The following MYO3B variants were observed in gnomAD, a reference collection of about 807,000 sequenced individuals.
MYO3B encodes myosin-IIIb.
A neutral mutation model predicts 174.6 loss-of-function variants in MYO3B; 156 were observed. That is an observed-to-expected ratio of 0.89 (90% CI 0.78 to 1.02). MYO3B has a LOEUF of 1.02. Among genes scored for constraint, MYO3B ranks in the 50% least tolerant of loss-of-function variants. MYO3B has a pLI of 0.00. For missense variants in MYO3B, 1,632 were observed against 1,639.4 expected, an observed-to-expected ratio of 1.00 and a Z score of 0.08; for synonymous variants, 563 against 569.1, an observed-to-expected ratio of 0.99 and a Z score of 0.15.
intron 7 of MYO3B, among the ~76,000 whole-genome samples, chr2:170,303,043 T>G (rs2093676350): frequency 6.6e-6 from 1 of 152,190 alleles, no homozygotes; most frequent in Admixed American, 6.5e-5. Context: ...TATATAATGT[T>G]TAGGATTTTT....
chr2:170,569,518 GT>G (rs60318428), intron 32 of MYO3B, among the ~76,000 whole-genome samples: 7,792 of 136,548 alleles, frequency 0.057, 260 homozygotes, highest in African/African-American at 0.097. Context: ...ACTGGGCTGA[GT>G]TTTTTTTTTT....
At chr2:170,543,463 C>G (rs1690254642) in intron 31 of MYO3B, among the ~76,000 whole-genome samples, 1 of 152,102 alleles carries the variant, frequency 6.6e-6, no homozygotes, top group Admixed American at 6.5e-5. Flanking sequence ...AGTAACTCTG[C>G]TGAGCATATG....
intron 7 of MYO3B, among the ~76,000 whole-genome samples, chr2:170,256,182 G>A (rs1239570563): frequency 6.6e-6 from 1 of 152,196 alleles, no homozygotes; most frequent in African/African-American, 2.4e-5. Flanking sequence ...GTGAGAGAAG[G>A]AGAGAGAGTT....
chr2:170,476,868 G>A (rs752413571), intron 25 of MYO3B, among the ~76,000 whole-genome samples: 15 of 151,992 alleles, frequency 9.9e-5, no homozygotes, highest in Non-Finnish European at 1.9e-4. Flanking sequence ...CTTTCCTATG[G>A]TATATAAGCA....
intron 32 of MYO3B, among the ~76,000 whole-genome samples, chr2:170,636,957 CGTGTGTGTGTGTGTGT>C (rs3047156): frequency 4.8e-5 from 7 of 146,670 alleles, no homozygotes; most frequent in South Asian, 2.2e-4. Context: ...TGCTTTTGTG[CGTGTGTGTGTGTGTGT>C]GTGTGTGTGT....
intron 32 of MYO3B, among the ~76,000 whole-genome samples, chr2:170,627,729 G>A (rs2105364302): frequency 6.6e-6 from 1 of 151,736 alleles, no homozygotes. Context: ...TGGGGTTTTG[G>A]TGTGGATGTC....
chr2:170,343,868 A>G lies in MYO3B; in HGVS notation c.815+8418A>G, dbSNP rs1574820998. 4 of 152,368 alleles carry G rather than the reference A, an allele frequency of 2.6e-5. No homozygotes were observed. The Middle Eastern group carries it at 0.014, about 518-fold the overall frequency. 9.4% of individuals were successfully genotyped at this position (152,368 alleles called of 1,614,324 possible). On this transcript the variant is annotated intron_variant, in intron 8 of 34. Coordinates refer to ENST00000408978, the MANE Select transcript of MYO3B (RefSeq NM_138995.5). ...GCAAAATGAGAATAACAATGCTTCT[A>G]TAATAATAACTAGTTGGGATTAAGA...
At chr2:170,575,392 G>A (rs1210353226) in intron 32 of MYO3B, among the ~76,000 whole-genome samples, 1 of 151,990 alleles carries the variant, frequency 6.6e-6, no homozygotes, top group Non-Finnish European at 1.5e-5. Context: ...GGCTTTTTGG[G>A]TCTTAAGGTC....
intron 32 of MYO3B, among the ~76,000 whole-genome samples, chr2:170,624,528 T>A (rs1482419831): frequency 6.6e-6 from 1 of 152,182 alleles, no homozygotes; most frequent in Admixed American, 6.5e-5. Context: ...CGATTTGACT[T>A]CCTCTTTTCC....
At chr2:170,305,671 A>T (rs764628671) in intron 7 of MYO3B, among the ~76,000 whole-genome samples, 4 of 152,174 alleles carry the variant, frequency 2.6e-5, no homozygotes, top group East Asian at 1.9e-4. Flanking sequence ...TGTCCCAAGT[A>T]CTTATTGCTG....
At chr2:170,635,627 ATATT>A (rs1368312848) in intron 32 of MYO3B, among the ~76,000 whole-genome samples, 2 of 152,198 alleles carry the variant, frequency 1.3e-5, no homozygotes, top group African/African-American at 2.4e-5. Flanking sequence ...ATATATGTAT[ATATT>A]AACGATCCTC....
At chr2:170,633,406 G>A (rs1338799677) in intron 32 of MYO3B, among the ~76,000 whole-genome samples, 1 of 152,140 alleles carries the variant, frequency 6.6e-6, no homozygotes, top group Non-Finnish European at 1.5e-5. Context: ...AAAGGCCTTG[G>A]ATATAATTCA....
intron 30 of MYO3B, among the ~76,000 whole-genome samples, chr2:170,522,869 T>A (rs1688771918): frequency 1.3e-5 from 2 of 152,262 alleles, no homozygotes; most frequent in African/African-American, 2.4e-5. Context: ...GTAACAGTAC[T>A]ACTCAAAGTG....
intron 32 of MYO3B, among the ~76,000 whole-genome samples, chr2:170,554,369 G>A (rs1691135484): frequency 1.3e-5 from 2 of 152,212 alleles, no homozygotes; most frequent in African/African-American, 4.8e-5. Flanking sequence ...ACTCCACAAA[G>A]GTCAGTGCTT....
intron 6 of MYO3B, among the ~76,000 whole-genome samples, chr2:170,225,447 A>G (rs2092942124): frequency 6.6e-6 from 1 of 152,260 alleles, no homozygotes; most frequent in Non-Finnish European, 1.5e-5. Context: ...AACATAGATG[A>G]GAATTATCCT....
At chr2:170,375,723 A>ATG (rs143645007) in intron 9 of MYO3B, among the ~76,000 whole-genome samples, 4 of 149,940 alleles carry the variant, frequency 2.7e-5, no homozygotes, top group Admixed American at 6.7e-5. Flanking sequence ...GCATGCATGC[A>ATG]CACACACACA....
At chr2:170,398,086 G>C (rs2105784770) in intron 16 of MYO3B, among the ~76,000 whole-genome samples, 1 of 152,124 alleles carries the variant, frequency 6.6e-6, no homozygotes, top group South Asian at 2.1e-4. Context: ...AGCTGGGCAT[G>C]GTGGCAGGTG....
intron 32 of MYO3B, among the ~76,000 whole-genome samples, chr2:170,556,525 A>AC (rs1249582146): frequency 7.1e-6 from 1 of 141,568 alleles, no homozygotes; most frequent in East Asian, 2.2e-4. Context: ...TTGGATTTTT[A>AC]CTTTTTTTTT....
chr2:170,261,627 C>A (rs1378447430), intron 7 of MYO3B, among the ~76,000 whole-genome samples: 1 of 152,086 alleles, frequency 6.6e-6, no homozygotes, highest in Non-Finnish European at 1.5e-5. Context: ...TGCTAAGTGG[C>A]CACATATAAT....
Sources: allele counts gnomAD v4.1 joint callset (sites outside exome capture counted in the v4.1 genomes callset), GRCh38; gene constraint gnomAD v4.1.1; transcripts MANE v1.5; gene names NCBI Gene and HGNC (gene_info 2026-07-23, HGNC 2026-07-21).